Variants in UBN2 observed in about 807,000 individuals in gnomAD.
The protein encoded by UBN2 is ubinuclein 2.
In UBN2, 35 loss-of-function variants were observed where a neutral mutation model predicts 120.2. The ratio of observed to expected loss-of-function variants is 0.29; its 90% CI spans 0.22 to 0.39. The LOEUF (loss-of-function observed/expected upper bound fraction) is 0.39, where lower values mean the gene tolerates loss of function less well. Ranked by LOEUF, UBN2 falls within the 10% of genes least tolerant of loss-of-function variation. UBN2 has a pLI of 1.00. For synonymous variants in UBN2, 661 were observed against 648.7 expected, an observed-to-expected ratio of 1.02 and a Z score of -0.29; for missense variants, 1,693 against 1,663.2, an observed-to-expected ratio of 1.02 and a Z score of -0.31.
intron 2 of UBN2, among the ~76,000 whole-genome samples, chr7:139,241,811 A>G (rs1796326089): frequency 6.6e-6 from 1 of 152,230 alleles, no homozygotes; most frequent in Non-Finnish European, 1.5e-5. Flanking sequence ...CCTGGCCAAC[A>G]TGGTGAAACC....
chr7:139,276,032 A>C, intron 11 of UBN2, 65 bp from the exon 12 acceptor site: 1 of 1,327,908 alleles, frequency 7.5e-7, no homozygotes, highest in Non-Finnish European at 1.1e-6. Context: ...ACTTTAAAAA[A>C]TAAAACAATT....
intron 15 of UBN2, among the ~76,000 whole-genome samples, chr7:139,290,259 G>A (rs1477893800): frequency 6.6e-6 from 1 of 152,048 alleles, no homozygotes; most frequent in Non-Finnish European, 1.5e-5. Flanking sequence ...TTAAGTTGAT[G>A]CAGGATCTTT....
At chr7:139,241,809 A>G (rs1796326006) in intron 2 of UBN2, among the ~76,000 whole-genome samples, 4 of 152,324 alleles carry the variant, frequency 2.6e-5, no homozygotes, top group Admixed American at 2.6e-4. Context: ...AGCCTGGCCA[A>G]CATGGTGAAA....
Position 139,305,708 on chromosome 7 carries a change from G to A in UBN2, c.*7872G>A, listed in dbSNP as rs1377380784. On this transcript the variant is annotated 3_prime_UTR_variant, in exon 18 of 18. Transcript: ENST00000473989. ...AGTATTATTAGGGTCTCTGTGTCTA[G>A]GACTTACAGTCATCAGTGGTCATCA... is the stretch of plus-strand genomic sequence containing the variant. 2 of 152,088 alleles carry A rather than the reference G, an allele frequency of 1.3e-5. No individual in the cohort carries two copies. The highest frequency in any genetic ancestry group is 2.9e-5 in the Non-Finnish European group (2 of 68,010). The allele number at this position is 152,088 out of a possible 1,614,324, so 9.4% of individuals were successfully genotyped here. A position where few individuals can be genotyped will look rare whatever the true frequency, so the allele number is the denominator to read the frequency against.
At chr7:139,244,621 T>C (rs1796414150) in intron 2 of UBN2, among the ~76,000 whole-genome samples, 1 of 152,146 alleles carries the variant, frequency 6.6e-6, no homozygotes, top group Admixed American at 6.5e-5. Context: ...TCCAGTTCTA[T>C]CCCTTCTCTG....
intron 11 of UBN2, 28 bp downstream of exon 11, chr7:139,274,102 TTTTA>T: frequency 6.4e-7 from 1 of 1,558,188 alleles, no homozygotes; most frequent in Non-Finnish European, 8.6e-7. Context: ...CTGGATTTTA[TTTTA>T]TTTTATTATT....
chr7:139,269,571 A>G (rs2131002210), intron 8 of UBN2, 48 bp downstream of exon 8: 9 of 1,597,168 alleles, frequency 5.6e-6, no homozygotes, highest in East Asian at 2.2e-5. Context: ...CATAACCTGT[A>G]AAGATACTTG....
chr7:139,275,394 T>G (rs1797412876), intron 11 of UBN2, among the ~76,000 whole-genome samples: 1 of 147,942 alleles, frequency 6.8e-6, no homozygotes. Flanking sequence ...CCATCCTGGC[T>G]AACACGGTGA....
intron 15 of UBN2, among the ~76,000 whole-genome samples, chr7:139,286,199 C>T (rs1300726797): frequency 6.6e-6 from 1 of 151,982 alleles, no homozygotes; most frequent in African/African-American, 2.4e-5. Context: ...AAGTGCTGGG[C>T]TTACAGGCGT....
rs776637374 is a variant in UBN2 at position 139,283,421 on chromosome 7, C to A, written c.2516C>A (p.Pro839Gln). 3 of 1,613,954 alleles carry A rather than the reference C, an allele frequency of 1.9e-6. No individual in the cohort carries two copies. Among genetic ancestry groups the A allele is most frequent in the Non-Finnish European group, 2.5e-6 (3 of 1,180,020 alleles). ...AGTCTTATTGCTGGTCACACAGGGC[C>A]AGTACCAAAGAAACCCCAGGATTTA... ...SSSLIAGHTG[P>Q]VPKKPQDLAH... Residue 839 changes from proline to glutamine, a missense_variant, in exon 15 of 18, where the codon CCA becomes CAA. Pro to Gln is a moderately conservative substitution (Grantham distance 76). Transcript: ENST00000473989.
chr7:139,273,832 T>G (rs1200803426), intron 10 of UBN2, 99 bp from the exon 11 acceptor site: 3 of 1,029,578 alleles, frequency 2.9e-6, no homozygotes, highest in Non-Finnish European at 4.1e-6. Context: ...TGTTAGAAAT[T>G]GTTTGTTATT....
At chr7:139,309,913 A>AC (rs1798426454), downstream of UBN2, among the ~76,000 whole-genome samples, 1 of 151,952 alleles carries the variant, frequency 6.6e-6, no homozygotes, top group Non-Finnish European at 1.5e-5. Context: ...AAAGAACATA[A>AC]CACCCCAAAA....
rs888064314 is a variant in UBN2 at position 139,298,133 on chromosome 7, T to A, written c.*297T>A. ...TTGTCAAACCCACAGAAATACAAAT[T>A]TGATTTTTCCCGGGGGAGGAAGAAG... On this transcript the variant is annotated 3_prime_UTR_variant, in exon 18 of 18. Coordinates refer to ENST00000473989, the MANE Select transcript of UBN2 (RefSeq NM_173569.4). 17 of 290,700 alleles carry A rather than the reference T, an allele frequency of 5.8e-5. No homozygotes were observed. The highest frequency in any genetic ancestry group is 2.8e-4 in the African/African-American group (13 of 46,230). The allele number at this position is 290,700 out of a possible 1,614,324, so 18.0% of individuals were successfully genotyped here. A position where few individuals can be genotyped will look rare whatever the true frequency, so the allele number is the denominator to read the frequency against.
chr7:139,312,529 A>G (rs2131104247), downstream of UBN2, among the ~76,000 whole-genome samples: 1 of 152,268 alleles, frequency 6.6e-6, no homozygotes, highest in South Asian at 2.1e-4. Flanking sequence ...ATCTTTGCTC[A>G]TCGTGCAATT....
intron 8 of UBN2, among the ~76,000 whole-genome samples, chr7:139,271,719 T>C (rs1251606124): frequency 6.6e-6 from 1 of 152,224 alleles, no homozygotes; most frequent in African/African-American, 2.4e-5. Flanking sequence ...AATAAATTGG[T>C]TGATTAAAAC....
chr7:139,267,169 A>G (rs1426156376), intron 7 of UBN2, among the ~76,000 whole-genome samples: 1 of 152,158 alleles, frequency 6.6e-6, no homozygotes, highest in Non-Finnish European at 1.5e-5. Context: ...AAAATAGCAA[A>G]TTTTAGCCCT....
Position 139,272,373 on chromosome 7 carries a change from G to A in UBN2, c.1648G>A (p.Val550Ile). Residue 550 changes from valine (V) to isoleucine (I), a missense_variant, in exon 9 of 18, where the codon GTC becomes ATC. Val to Ile is a conservative substitution (Grantham distance 29). Coordinates refer to ENST00000473989, the MANE Select transcript of UBN2 (RefSeq NM_173569.4). ...AAAACTGAAACTGGCTGTTAGCAAT[G>A]TCATGCCTGAACAGCTATTTAAATA... ...LQKLKLAVSNVMPEQLFKYQE... is the reference protein window; with the variant it reads ...LQKLKLAVSNIMPEQLFKYQE... 6.2e-7 allele frequency: 1 copy of A among 1,613,892 alleles called. No homozygotes were observed. The highest frequency in any genetic ancestry group is 8.5e-7 in the Non-Finnish European group (1 of 1,179,958).
the UBN2 span, among the ~76,000 whole-genome samples, chr7:139,319,113 G>T: frequency 6.6e-6 from 1 of 152,050 alleles, no homozygotes; most frequent in Admixed American, 6.6e-5. Context: ...ATGGAGTGTT[G>T]CTCTGTTGCC....
intron 13 of UBN2, among the ~76,000 whole-genome samples, chr7:139,281,198 G>A (rs7793896): frequency 0.15 from 22,746 of 152,042 alleles, 3,387 homozygotes; most frequent in African/African-American, 0.39. Flanking sequence ...TGATATGGGG[G>A]AGTCATCAGT....
Sources: allele counts gnomAD v4.1 joint callset (sites outside exome capture counted in the v4.1 genomes callset), GRCh38; gene constraint gnomAD v4.1.1; transcripts MANE v1.5; gene names NCBI Gene and HGNC (gene_info 2026-07-23, HGNC 2026-07-21).